The following MGAT5 variants were observed in gnomAD, a reference collection of about 807,000 sequenced individuals.
MGAT5 encodes alpha-1,6-mannosylglycoprotein 6-beta-N-acetylglucosaminyltransferase A.
MGAT5 carries 30 observed loss-of-function variants against 94.3 expected under a neutral mutation model. The ratio of observed to expected loss-of-function variants is 0.32; its 90% CI spans 0.24 to 0.43. The LOEUF is 0.43. MGAT5 is among the 20% of genes least tolerant of loss of function. The pLI, the probability that MGAT5 is intolerant of heterozygous loss-of-function variation, is 1.00. For missense variants in MGAT5, 691 were observed against 905.5 expected (o/e 0.76, Z 3.04); for synonymous variants, 310 against 322.9 (o/e 0.96, Z 0.43).
chr2:134,185,944 T>A (rs1426155034), intron 1 of MGAT5, among the ~76,000 whole-genome samples: 1 of 152,224 alleles, frequency 6.6e-6, no homozygotes. Flanking sequence ...GATCGCCTGG[T>A]GTTCTGCTGA....
At chr2:134,138,700 T>C (rs948690665) in intron 1 of MGAT5, among the ~76,000 whole-genome samples, 1 of 152,162 alleles carries the variant, frequency 6.6e-6, no homozygotes. Context: ...GGGATAACCA[T>C]GTATATTAGC....
rs181563426 is a variant in MGAT5, at chr2:134,122,707, C to T, written c.-143+2416C>T. The stretch of plus-strand genomic sequence containing the variant: ...CTTTCATCTCCTCCTTTGTTTCAGC[C>T]TGCCTTCTTCACTCTGGGACACTCG... On this transcript the variant is annotated intron_variant, in intron 1 of 16. Coordinates refer to the MGAT5 transcript ENST00000409645. 3.6e-3 allele frequency among the ~76,000 whole-genome samples: 555 copies of T among 152,326 alleles called. 2 individuals are homozygous for T. The highest frequency in any genetic ancestry group is 0.013 in the African/African-American group (521 of 41,570).
intron 2 of MGAT5, among the ~76,000 whole-genome samples, chr2:134,308,362 T>G (rs1219453539): frequency 1.3e-5 from 2 of 152,188 alleles, no homozygotes; most frequent in Admixed American, 6.5e-5. Flanking sequence ...TGTCACACGA[T>G]AATCCAGTAG....
At chr2:134,318,870 T>C in intron 4 of MGAT5, 131 bp downstream of exon 4, 1 of 577,606 alleles carries the variant, frequency 1.7e-6, no homozygotes, top group Non-Finnish European at 3.2e-6. Context: ...CGTCCTTCAT[T>C]ACTCTCCCTA....
At chr2:134,353,791 G>A (rs1217199527) in intron 9 of MGAT5, among the ~76,000 whole-genome samples, 1 of 152,126 alleles carries the variant, frequency 6.6e-6, no homozygotes. Context: ...TCATGGACGA[G>A]GCTGACTTGA....
At chr2:134,193,861 G>T (rs1285947906) in intron 1 of MGAT5, among the ~76,000 whole-genome samples, 1 of 152,024 alleles carries the variant, frequency 6.6e-6, no homozygotes, top group Non-Finnish European at 1.5e-5. Flanking sequence ...TTCCTGGCAC[G>T]CCTAACTCAA....
intron 10 of MGAT5, among the ~76,000 whole-genome samples, chr2:134,384,995 T>A (rs1256105665): frequency 6.6e-6 from 1 of 152,180 alleles, no homozygotes; most frequent in Non-Finnish European, 1.5e-5. Context: ...CACAGAAGCA[T>A]GTCCATGGAA....
chr2:134,311,924 A>C (rs1318552625), intron 2 of MGAT5, among the ~76,000 whole-genome samples: 3 of 152,222 alleles, frequency 2.0e-5, no homozygotes, highest in Non-Finnish European at 2.9e-5. Context: ...TGATTTATAC[A>C]AGCAGTGGGA....
rs554611923 is a variant in MGAT5 at position 134,235,034 on chromosome 2, G to T, written c.-142-19228G>T. Among the ~76,000 whole-genome samples, 3 of 152,108 alleles carry T rather than the reference G, an allele frequency of 2.0e-5. No homozygotes were observed. The South Asian group carries it at 6.2e-4, about 32-fold the overall frequency. ...TAGCACCAGCATTTAAGAATACACA[G>T]ATTTGACCAAAACTCTGGGTTTCTG... On this transcript the variant is annotated intron_variant, in intron 1 of 16. Coordinates refer to the MGAT5 transcript ENST00000409645.
intron 1 of MGAT5, among the ~76,000 whole-genome samples, chr2:134,247,509 C>T (rs533372477): frequency 3.9e-5 from 6 of 151,936 alleles, no homozygotes; most frequent in African/African-American, 1.5e-4. Context: ...TAAATTGATA[C>T]GTATATTGAT....
At chr2:134,363,827 T>A (rs1240242038) in intron 10 of MGAT5, among the ~76,000 whole-genome samples, 1 of 152,216 alleles carries the variant, frequency 6.6e-6, no homozygotes, top group African/African-American at 2.4e-5. Flanking sequence ...TTTCCTTGTA[T>A]AAAAATGTGT....
At chr2:134,318,381 C>G (rs1472079871) in intron 3 of MGAT5, among the ~76,000 whole-genome samples, 2 of 152,144 alleles carry the variant, frequency 1.3e-5, no homozygotes, top group Admixed American at 6.5e-5. Flanking sequence ...CTCTCCTGGG[C>G]TTTATTGCCT....
chr2:134,417,548 A>G (rs975036671), intron 12 of MGAT5, among the ~76,000 whole-genome samples: 1 of 152,164 alleles, frequency 6.6e-6, no homozygotes, highest in Non-Finnish European at 1.5e-5. Context: ...GATTTGACTG[A>G]TATTTTCCCA....
chr2:134,419,589 T>G (rs1018975841), intron 12 of MGAT5, among the ~76,000 whole-genome samples: 3 of 151,964 alleles, frequency 2.0e-5, no homozygotes, highest in Non-Finnish European at 2.9e-5. Flanking sequence ...CAAACTATAC[T>G]CCAGTAAATT....
intron 15 of MGAT5, 101 bp downstream of exon 15, chr2:134,442,016 G>A: frequency 2.2e-6 from 3 of 1,335,908 alleles, no homozygotes; most frequent in Non-Finnish European, 3.1e-6. Context: ...CCAAGCTACT[G>A]GGCTGTGGGG....
chr2:134,318,235 C>T (rs983233909), intron 3 of MGAT5, among the ~76,000 whole-genome samples: 8 of 152,144 alleles, frequency 5.3e-5, no homozygotes, highest in African/African-American at 1.9e-4. Flanking sequence ...TCCGTCAACG[C>T]TCGTCCGTGC....
At chr2:134,343,557 A>G (rs1688749258) in intron 7 of MGAT5, among the ~76,000 whole-genome samples, 1 of 152,130 alleles carries the variant, frequency 6.6e-6, no homozygotes, top group Non-Finnish European at 1.5e-5. Flanking sequence ...AGATCTTTGT[A>G]TTTATTTCTT....
At chr2:134,388,280 C>G (rs977914920) in intron 10 of MGAT5, among the ~76,000 whole-genome samples, 1 of 152,156 alleles carries the variant, frequency 6.6e-6, no homozygotes, top group Non-Finnish European at 1.5e-5. Context: ...CCATGTACCT[C>G]TCACCCAGCT....
intron 1 of MGAT5, among the ~76,000 whole-genome samples, chr2:134,121,092 C>T (rs1179790033): frequency 6.6e-6 from 1 of 152,174 alleles, no homozygotes; most frequent in South Asian, 2.1e-4. Context: ...AAGTTGGGGG[C>T]GGCGGGGCTA....
Sources: gnomAD v4.1 joint callset for allele counts (sites outside exome capture counted in the v4.1 genomes callset) on GRCh38, gnomAD v4.1.1 for gene constraint, MANE v1.5 for transcripts, NCBI Gene and HGNC (gene_info 2026-07-23, HGNC 2026-07-21) for gene names.